Variants in ABCC3 observed in about 807,000 individuals in gnomAD.
ABCC3 encodes the protein ATP-binding cassette sub-family C member 3.
A neutral mutation model predicts 165.3 loss-of-function variants in ABCC3; 121 were observed. That is an observed-to-expected ratio of 0.73 (90% CI 0.63 to 0.85). The LOEUF is 0.85. Among genes scored for constraint, ABCC3 ranks in the 40% least tolerant of loss-of-function variants. The pLI, the probability that ABCC3 is intolerant of heterozygous loss-of-function variation, is 0.00. For synonymous variants in ABCC3, 733 were observed against 810.1 expected, an observed-to-expected ratio of 0.90 and a Z score of 1.62; for missense variants, 1,869 against 1,964.1, an observed-to-expected ratio of 0.95 and a Z score of 0.92.
intron 26 of ABCC3, among the ~76,000 whole-genome samples, chr17:50,681,005 G>A (rs569936280): frequency 9.7e-4 from 147 of 152,174 alleles, no homozygotes; most frequent in African/African-American, 3.3e-3. Flanking sequence ...GAACCCAGGC[G>A]GTGGAGGTTG....
rs548119793 is a variant in ABCC3 at position 50,688,969 on chromosome 17, G to A, written c.4475+1239G>A. Reference sequence around the variant, plus strand: ...TGTAATCCCAGGACTTTGGGAGGCCGAGGCAGGCAGATCATTTGAGGTCAG... The same window carrying A: ...TGTAATCCCAGGACTTTGGGAGGCCAAGGCAGGCAGATCATTTGAGGTCAG... On this transcript the variant is annotated intron_variant, in intron 30 of 30. Transcript: ENST00000285238. 8.6e-5 allele frequency among the ~76,000 whole-genome samples: 13 copies of A among 150,616 alleles called. No homozygotes were observed. In the East Asian group the frequency reaches 1.2e-3, roughly 14 times the overall value.
chr17:50,675,817 C>G lies in ABCC3; in HGVS notation c.2859+42C>G, dbSNP rs558937061. The G allele has an allele frequency of 2.5e-6, 4 of 1,593,270 alleles. No homozygotes were observed. In the Admixed American group the frequency reaches 5.4e-5, roughly 21 times the overall value. ...AGAGGGGCTGGAGGGGATGGACAGG[C>G]AGGCCCCAGCAGCCCCAGGGTTTAT... On this transcript the variant is annotated intron_variant, in intron 21 of 30. Coordinates refer to ENST00000285238, the MANE Select transcript of ABCC3 (RefSeq NM_003786.4).
At chr17:50,675,608 G>T in intron 20 of ABCC3, 23 bp from the exon 21 acceptor site, 1 of 1,561,556 alleles carries the variant, frequency 6.4e-7, no homozygotes. Flanking sequence ...CCCCTCCCTG[G>T]GCCTGACCAG....
intron 1 of ABCC3, among the ~76,000 whole-genome samples, chr17:50,655,497 AC>A (rs1223366690): frequency 8.6e-5 from 13 of 151,680 alleles, no homozygotes; most frequent in Non-Finnish European, 1.5e-5. Context: ...ACTGCAGAGG[AC>A]CATAAGGTAA....
At chr17:50,668,676 C>T (rs993598931) in intron 14 of ABCC3, among the ~76,000 whole-genome samples, 159 bp downstream of exon 14, 3 of 152,156 alleles carry the variant, frequency 2.0e-5, no homozygotes, top group African/African-American at 7.2e-5. Context: ...TCTCTGCTCT[C>T]CTCCGCCCTC....
chr17:50,637,337 G>A (rs774626884), intron 1 of ABCC3, among the ~76,000 whole-genome samples: 5 of 152,064 alleles, frequency 3.3e-5, no homozygotes, highest in African/African-American at 1.2e-4. Context: ...TGAAAGGAGA[G>A]AGAGTCTACA....
At chr17:50,657,868 C>T (rs1967288146) in intron 4 of ABCC3, among the ~76,000 whole-genome samples, 1 of 152,222 alleles carries the variant, frequency 6.6e-6, no homozygotes, top group South Asian at 2.1e-4. Context: ...GATGGCACCA[C>T]ACCTGGCACA....
intron 8 of ABCC3, 78 bp downstream of exon 8, chr17:50,661,192 G>A (rs530953572): frequency 2.2e-5 from 32 of 1,428,144 alleles, no homozygotes; most frequent in South Asian, 8.9e-5. Flanking sequence ...AAGGAACAAC[G>A]TACAGTGAAA....
chr17:50,671,299 G>C (rs1967641990), intron 17 of ABCC3, among the ~76,000 whole-genome samples: 1 of 151,490 alleles, frequency 6.6e-6, no homozygotes, highest in East Asian at 1.9e-4. Flanking sequence ...TCATTTCTTA[G>C]TGTACAGTTC....
At position 50,661,327 on chromosome 17, in the gene ABCC3, C is replaced by T. The variant is rs145245924; in HGVS notation, c.998+213C>T. On this transcript the variant is annotated intron_variant, in intron 8 of 30. Transcript: ENST00000285238. The stretch of plus-strand genomic sequence containing the variant: ...GAATTGCTGTGCATATACTATGTGC[C>T]GGGCACCGTGGTGTGTACGTTAACA... 2.6e-5 allele frequency among the ~76,000 whole-genome samples: 4 copies of T among 152,364 alleles called. No individual in the cohort carries two copies. In the East Asian group the frequency reaches 5.8e-4, roughly 22 times the overall value.
At chr17:50,678,045 G>C (rs1967860017) in intron 24 of ABCC3, 48 bp from the exon 25 acceptor site, 1 of 1,613,628 alleles carries the variant, frequency 6.2e-7, no homozygotes, top group African/African-American at 1.3e-5. Flanking sequence ...CAGAAAACTG[G>C]CCCTGCCCTG....
intron 17 of ABCC3, 134 bp from the exon 18 acceptor site, chr17:50,672,837 A>T: frequency 2.7e-6 from 2 of 741,290 alleles, no homozygotes; most frequent in South Asian, 1.9e-5. Context: ...GCACCACTGC[A>T]CTCCAGCCTG....
At chr17:50,674,018 C>T (rs1454903794) in intron 19 of ABCC3, among the ~76,000 whole-genome samples, 552 of 8,240 alleles carry the variant, frequency 0.067, 186 homozygotes, top group Middle Eastern at 0.15. Flanking sequence ...CTCTCTCTCT[C>T]TCTCTCTCTC....
chr17:50,655,428 C>A (rs11869371), intron 1 of ABCC3, among the ~76,000 whole-genome samples: 5,697 of 92,462 alleles, frequency 0.062, 259 homozygotes, highest in Non-Finnish European at 0.091. Context: ...AAAACAAAAA[C>A]AAAAAAAAAA....
intron 8 of ABCC3, 114 bp downstream of exon 8, chr17:50,661,228 G>A (rs1597849858): frequency 8.8e-7 from 1 of 1,139,180 alleles, no homozygotes; most frequent in South Asian, 1.9e-5. Context: ...GAACCAGGGA[G>A]GCTAGCTCCA....
In ABCC3 at chr17:50,664,112, G is replaced by T. The variant is rs1384405716; in HGVS notation, c.1338+1G>T. 1.9e-6 allele frequency: 3 copies of T among 1,614,000 alleles called. No homozygotes were observed. Among genetic ancestry groups the T allele is most frequent in the Non-Finnish European group, 2.5e-6 (3 of 1,180,012 alleles). On this transcript the variant is annotated splice_donor_variant, in intron 10 of 30. Coordinates refer to ENST00000285238, the MANE Select transcript of ABCC3 (RefSeq NM_003786.4). LOFTEE classifies it high-confidence loss of function. Reference sequence around the variant, plus strand: ...CCTGGCGATCTACTTCCTCTGGCAGGTGACTCTCCAACCCTGACCTCTGCC... The same window carrying T: ...CCTGGCGATCTACTTCCTCTGGCAGTTGACTCTCCAACCCTGACCTCTGCC...
intron 24 of ABCC3, 57 bp from the exon 25 acceptor site, chr17:50,678,036 A>G (rs528621072): frequency 6.2e-7 from 1 of 1,613,924 alleles, no homozygotes; most frequent in African/African-American, 1.3e-5. Flanking sequence ...TCCCCTAAGC[A>G]GAAAACTGGC....
At chr17:50,666,117 A>G (rs1010256967) in intron 11 of ABCC3, among the ~76,000 whole-genome samples, 6 of 152,098 alleles carry the variant, frequency 3.9e-5, no homozygotes, top group Admixed American at 6.5e-5. Flanking sequence ...TCTGCCTGGA[A>G]TGCTTGTCAT....
chr17:50,664,018 G>A lies in ABCC3; in HGVS notation c.1245G>A (p.Val415=). 1 of 1,614,158 alleles carries A rather than the reference G, an allele frequency of 6.2e-7. No individual in the cohort carries two copies. The part of the protein sequence containing the change: ...TVGEIVNLMS[V]DAQRFMDLAP... ...GGGAAATTGTCAACCTCATGTCAGT[G>A]GATGCCCAGCGCTTCATGGACCTTG... Residue 415 remains valine, a synonymous_variant, in exon 10 of 31, where the codon GTG becomes GTA. Coordinates refer to ENST00000285238, the MANE Select transcript of ABCC3 (RefSeq NM_003786.4).
Sources: gnomAD v4.1 joint callset for allele counts (sites outside exome capture counted in the v4.1 genomes callset) on GRCh38, gnomAD v4.1.1 for gene constraint, MANE v1.5 for transcripts, NCBI Gene and HGNC (gene_info 2026-07-23, HGNC 2026-07-21) for gene names.